Variants in LRMDA observed in about 807,000 individuals in gnomAD.
The protein encoded by LRMDA is leucine-rich melanocyte differentiation-associated protein.
A neutral mutation model predicts 29.8 loss-of-function variants in LRMDA; 18 were observed. The observed-to-expected ratio is 0.60, with a 90% CI of 0.42 to 0.90. The LOEUF is 0.90. Ranked by LOEUF, LRMDA falls within the 40% of genes least tolerant of loss-of-function variation. The probability of loss-of-function intolerance (pLI) is 0.00; values close to 1 mark genes in which losing one functional copy is unlikely to be tolerated. For synonymous variants in LRMDA, 125 were observed against 109.4 expected, an observed-to-expected ratio of 1.14 and a Z score of -0.89; for missense variants, 273 against 273.9, an observed-to-expected ratio of 1.00 and a Z score of 0.02.
intron 2 of LRMDA, among the ~76,000 whole-genome samples, chr10:75,749,336 A>T (rs1012747767): frequency 6.6e-6 from 1 of 152,114 alleles, no homozygotes; most frequent in Non-Finnish European, 1.5e-5. Flanking sequence ...GGGGGAGCCA[A>T]AAGTTTTATG....
rs1848240941 is a variant in LRMDA, at chr10:76,036,150, C to T, written c.258+16C>T. The T allele has an allele frequency of 1.2e-6, 2 of 1,608,264 alleles. No homozygotes were observed. The highest frequency in any genetic ancestry group is 1.7e-5 in the Admixed American group (1 of 59,674). On this transcript the variant is annotated intron_variant, in intron 3 of 6. Transcript: ENST00000611255. ...CAAGAACCGAATATCCTTTCCTCTG[C>T]CCGCTGCCCCCACTCCCCACCCAGC...
At chr10:75,749,697 T>C (rs1056852941) in intron 2 of LRMDA, among the ~76,000 whole-genome samples, 9 of 151,698 alleles carry the variant, frequency 5.9e-5, no homozygotes, top group Non-Finnish European at 5.9e-5. Flanking sequence ...GGCAGGGTCA[T>C]AGGACAATAG....
At chr10:76,091,275 ACG>A (rs1491402347) in intron 5 of LRMDA, among the ~76,000 whole-genome samples, 5 of 115,092 alleles carry the variant, frequency 4.3e-5, no homozygotes, top group African/African-American at 1.9e-4. Context: ...AACATGGTGG[ACG>A]TGTGTGTGTG....
chr10:75,983,529 T>C (rs1272761083), intron 2 of LRMDA, among the ~76,000 whole-genome samples: 1 of 152,170 alleles, frequency 6.6e-6, no homozygotes, highest in Non-Finnish European at 1.5e-5. Flanking sequence ...CCCCAAGTCA[T>C]TTTCATTTTT....
At chr10:76,135,226 C>G (rs901706947) in intron 5 of LRMDA, among the ~76,000 whole-genome samples, 4 of 152,170 alleles carry the variant, frequency 2.6e-5, no homozygotes, top group African/African-American at 9.7e-5. Context: ...AATGTGCTAG[C>G]GTTGGCAGAT....
intron 2 of LRMDA, among the ~76,000 whole-genome samples, chr10:75,947,362 G>A (rs1846494303): frequency 6.6e-6 from 1 of 152,178 alleles, no homozygotes; most frequent in Non-Finnish European, 1.5e-5. Context: ...TCAGAGGACT[G>A]TGTAGCTTTC....
chr10:75,947,779 C>T (rs753709110), intron 2 of LRMDA, among the ~76,000 whole-genome samples: 1 of 152,212 alleles, frequency 6.6e-6, no homozygotes. Flanking sequence ...ACATACTTCA[C>T]GGTACCAGAG....
At chr10:76,228,915 C>A (rs1297127353) in intron 5 of LRMDA, among the ~76,000 whole-genome samples, 1 of 152,144 alleles carries the variant, frequency 6.6e-6, no homozygotes, top group Non-Finnish European at 1.5e-5. Flanking sequence ...AAATGTTTTC[C>A]AAAGTTAGCT....
chr10:75,890,193 T>C (rs567193583), intron 2 of LRMDA, among the ~76,000 whole-genome samples: 1 of 152,340 alleles, frequency 6.6e-6, no homozygotes, highest in African/African-American at 2.4e-5. Context: ...GATTCCCTGG[T>C]ATCTATTTCC....
chr10:75,662,361 C>T (rs531940357), intron 2 of LRMDA, among the ~76,000 whole-genome samples: 22 of 152,186 alleles, frequency 1.4e-4, no homozygotes, highest in African/African-American at 5.1e-4. Flanking sequence ...CTACAGGTTT[C>T]GTTATTGGTA....
chr10:75,596,389 C>A (rs1340891659), intron 2 of LRMDA, among the ~76,000 whole-genome samples: 2 of 152,174 alleles, frequency 1.3e-5, no homozygotes, highest in Non-Finnish European at 2.9e-5. Context: ...CTGAGTTTGT[C>A]CAGTTAGTTG....
At chr10:75,714,480 T>A (rs1018520034) in intron 2 of LRMDA, among the ~76,000 whole-genome samples, 2 of 152,204 alleles carry the variant, frequency 1.3e-5, no homozygotes, top group African/African-American at 4.8e-5. Flanking sequence ...TTGAAAATTT[T>A]GACAAGTGGT....
At chr10:75,843,720 G>A (rs571553479) in intron 2 of LRMDA, among the ~76,000 whole-genome samples, 6 of 152,308 alleles carry the variant, frequency 3.9e-5, no homozygotes, top group Middle Eastern at 6.8e-3. Context: ...TGGCACAGTG[G>A]GAACTAGAAA....
chr10:75,907,758 C>CAA (rs2132373005), intron 2 of LRMDA, among the ~76,000 whole-genome samples: 1 of 152,308 alleles, frequency 6.6e-6, no homozygotes, highest in East Asian at 1.9e-4. Flanking sequence ...ACCATCGGCT[C>CAA]AAACTTGGGA....
At chr10:75,885,922 GT>G (rs1289609571) in intron 2 of LRMDA, among the ~76,000 whole-genome samples, 3 of 152,222 alleles carry the variant, frequency 2.0e-5, no homozygotes, top group Non-Finnish European at 4.4e-5. Context: ...CATAGAAGTT[GT>G]TTGGTATGTT....
chr10:75,506,387 A>G (rs1845168528), intron 2 of LRMDA, among the ~76,000 whole-genome samples: 1 of 152,248 alleles, frequency 6.6e-6, no homozygotes, highest in South Asian at 2.1e-4. Flanking sequence ...GGGATTTCCA[A>G]ACCAACTAAC....
At chr10:75,580,867 T>G (rs1254730658) in intron 2 of LRMDA, among the ~76,000 whole-genome samples, 1 of 152,208 alleles carries the variant, frequency 6.6e-6, no homozygotes, top group East Asian at 1.9e-4. Context: ...GCTAGCCATA[T>G]GCAGAAAGCT....
At chr10:75,648,553 G>C (rs947770876) in intron 2 of LRMDA, among the ~76,000 whole-genome samples, 1 of 152,124 alleles carries the variant, frequency 6.6e-6, no homozygotes, top group East Asian at 1.9e-4. Flanking sequence ...GTCCTGGTCT[G>C]CTTGGGGATG....
chr10:76,363,211 A>AAGGG (rs1564520722), intron 6 of LRMDA, among the ~76,000 whole-genome samples: 1 of 10,054 alleles, frequency 9.9e-5, no homozygotes. Context: ...GGAGGGAGGG[A>AAGGG]AGGAAGAGAA....
Sources: gnomAD v4.1 joint callset for allele counts (sites outside exome capture counted in the v4.1 genomes callset) on GRCh38, gnomAD v4.1.1 for gene constraint, MANE v1.5 for transcripts, NCBI Gene and HGNC (gene_info 2026-07-23, HGNC 2026-07-21) for gene names.